The following PTPRH variants were observed in gnomAD, a reference collection of about 807,000 sequenced individuals.
PTPRH encodes protein tyrosine phosphatase receptor type H.
In PTPRH, 113 loss-of-function variants were observed where a neutral mutation model predicts 130.2. The ratio of observed to expected loss-of-function variants is 0.87; its 90% confidence interval spans 0.75 to 1.01. The LOEUF is 1.01. Among genes scored for constraint, PTPRH ranks in the 50% least tolerant of loss-of-function variants. PTPRH has a pLI of 0.00. For missense variants in PTPRH, 1,430 were observed against 1,425.0 expected, an observed-to-expected ratio of 1.00 and a Z score of -0.06; for synonymous variants, 556 against 577.9, an observed-to-expected ratio of 0.96 and a Z score of 0.54.
At chr19:55,192,574 C>CAA (rs934664407) in intron 10 of PTPRH, among the ~76,000 whole-genome samples, 5 of 151,048 alleles carry the variant, frequency 3.3e-5, no homozygotes, top group African/African-American at 1.2e-4. Context: ...TTTTCTGAGA[C>CAA]AGAGTCTTGC....
chr19:55,199,003 C>T, intron 7 of PTPRH, 91 bp from the exon 8 acceptor site: 3 of 1,250,746 alleles, frequency 2.4e-6, no homozygotes, highest in East Asian at 3.0e-5. Flanking sequence ...TGCAGCCCAG[C>T]TCATCCAGAA....
intron 16 of PTPRH, 69 bp downstream of exon 16, chr19:55,186,156 G>T (rs1462723358): frequency 8.3e-6 from 13 of 1,574,646 alleles, no homozygotes; most frequent in Non-Finnish European, 1.1e-5. Context: ...TGGGTGTGGG[G>T]TCTACATTGG....
intron 10 of PTPRH, among the ~76,000 whole-genome samples, chr19:55,195,974 G>A (rs533047534): frequency 2.0e-5 from 3 of 152,250 alleles, no homozygotes; most frequent in East Asian, 1.9e-4. Context: ...GGAGAACTAG[G>A]GGGTGGTGGC....
At position 55,188,058 on chromosome 19, in the gene PTPRH, C is replaced by G. The variant is rs761774281; in HGVS notation, c.2475+20G>C. The G allele has an allele frequency of 7.5e-6, 12 of 1,597,752 alleles. No individual in the cohort carries two copies. Among genetic ancestry groups the G allele is most frequent in the Non-Finnish European group, 1.0e-5 (12 of 1,165,240 alleles). On this transcript the variant is annotated intron_variant, in intron 13 of 19. Transcript: ENST00000376350. ...GCCACCGGAGGGAGACTGAGCTCAG[C>G]CCCTCTGTCCTCTCCCCACCTGGTA... is the stretch of plus-strand genomic sequence containing the variant.
At chr19:55,192,344 G>A (rs1471808249) in intron 10 of PTPRH, among the ~76,000 whole-genome samples, 1 of 151,816 alleles carries the variant, frequency 6.6e-6, no homozygotes, top group African/African-American at 2.4e-5. Flanking sequence ...GGAGCTTGCA[G>A]TGAGCCCAGA....
intron 18 of PTPRH, among the ~76,000 whole-genome samples, chr19:55,184,731 G>A (rs1355831158): frequency 6.6e-6 from 1 of 151,910 alleles, no homozygotes; most frequent in Non-Finnish European, 1.5e-5. Flanking sequence ...AGGTTGCAGT[G>A]AGCTGAGATT....
Position 55,203,857 on chromosome 19 carries a change from A to G in PTPRH, c.811T>C (p.Ser271Pro). 1 of 1,614,096 alleles carries G rather than the reference A, an allele frequency of 6.2e-7. No individual in the cohort carries two copies. The highest frequency in any genetic ancestry group is 8.5e-7 in the Non-Finnish European group (1 of 1,180,022). The change falls in exon 5 of 20, where the codon TCA becomes CCA. Residue 271 changes from serine to proline, a missense_variant. Coordinates refer to ENST00000376350, the MANE Select transcript of PTPRH (RefSeq NM_002842.5). The stretch of plus-strand genomic sequence containing the variant: ...ACCCACACAGAACACGTATACAATG[A>G]CCCGGGTCCAAGGCCATCCACGGTG... ...RVTVDGLGPGSLYTCSVWVEK... is the reference protein window; with the variant it reads ...RVTVDGLGPGPLYTCSVWVEK...
chr19:55,206,238 A>G (rs2087048548), intron 3 of PTPRH, among the ~76,000 whole-genome samples: 1 of 152,104 alleles, frequency 6.6e-6, no homozygotes, highest in African/African-American at 2.4e-5. Context: ...GCCTCAAAAA[A>G]AAAAAAAATT....
chr19:55,182,565 C>T (rs1192408635), intron 18 of PTPRH, among the ~76,000 whole-genome samples: 1 of 152,092 alleles, frequency 6.6e-6, no homozygotes, highest in Non-Finnish European at 1.5e-5. Flanking sequence ...GCCTGGAGTT[C>T]CTTCCATCTG....
intron 12 of PTPRH, chr19:55,189,623 G>C (rs1171668416): frequency 6.6e-6 from 3 of 453,332 alleles, no homozygotes; most frequent in Non-Finnish European, 1.3e-5. Flanking sequence ...CACTTGCGTA[G>C]GCCTGTACTC....
intron 13 of PTPRH, 115 bp from the exon 14 acceptor site, chr19:55,187,718 C>G (rs765300200): frequency 1.3e-6 from 1 of 753,204 alleles, no homozygotes; most frequent in Non-Finnish European, 2.3e-6. Context: ...TTCGTTGCAC[C>G]CTGAGATTAT....
chr19:55,182,217 T>C, intron 18 of PTPRH, 66 bp from the exon 19 acceptor site: 1 of 1,535,524 alleles, frequency 6.5e-7, no homozygotes, highest in Non-Finnish European at 8.9e-7. Flanking sequence ...TCATGGCTGA[T>C]TGGAGGGATC....
chr19:55,200,898 G>C (rs1373386323), intron 6 of PTPRH, among the ~76,000 whole-genome samples: 2 of 151,742 alleles, frequency 1.3e-5, no homozygotes, highest in African/African-American at 4.9e-5. Flanking sequence ...AGCCGAGATC[G>C]CGCCACTGCA....
intron 12 of PTPRH, chr19:55,189,718 C>T (rs879816135): frequency 8.8e-6 from 4 of 455,886 alleles, no homozygotes; most frequent in East Asian, 7.0e-5. Context: ...CAGCGGCTCA[C>T]GCCTGTGATG....
chr19:55,206,828 G>A lies in PTPRH; in HGVS notation c.213C>T (p.Gly71=), dbSNP rs778157024. The A allele has an allele frequency of 1.7e-5, 27 of 1,614,000 alleles. No individual in the cohort carries two copies. The highest frequency in any genetic ancestry group is 8.9e-5 in the East Asian group (4 of 44,892). The change falls in exon 3 of 20, where the codon GGC becomes GGT. Residue 71 remains glycine (G), a synonymous_variant. Transcript: ENST00000376350. ...TTGTGTTTCGAGTCTCTGTTGTGCCGCCGTCTCCAGTACACTGAACCCAGT... is the reference window on the plus strand; with the variant it reads ...TTGTGTTTCGAGTCTCTGTTGTGCCACCGTCTCCAGTACACTGAACCCAGT... The part of the protein sequence containing the change: ...SNYWVQCTGD[G]GTTETRNTTA...
chr19:55,182,060 C>G lies in PTPRH; in HGVS notation c.3154G>C (p.Val1052Leu), dbSNP rs766621439. Reference sequence around the variant, plus strand: ...GGCCGACTCTCTCTCATCTTCCTTACAAAGCTGAAGGGCCCAAGGAGACCC... The same window carrying G: ...GGCCGACTCTCTCTCATCTTCCTTAGAAAGCTGAAGGGCCCAAGGAGACCC... ...SEGLLGPFSF[V>L]RKMRESRPLM... Residue 1052 changes from valine (V) to leucine (L), a missense_variant, in exon 19 of 20, where the codon GTA (valine) becomes CTA (leucine). By Grantham distance (32) the Val-to-Leu change is conservative. Coordinates refer to ENST00000376350, the MANE Select transcript of PTPRH (RefSeq NM_002842.5). The G allele has an allele frequency of 1.9e-6, 3 of 1,614,140 alleles. No homozygotes were observed. The highest frequency in any genetic ancestry group is 2.5e-6 in the Non-Finnish European group (3 of 1,180,032).
At position 55,205,352 on chromosome 19, in the gene PTPRH, G is replaced by T. The variant is rs768559826; in HGVS notation, c.593C>A (p.Ser198Tyr). ...MWVGKNGINS[S>Y]RETRNATTAH... ...TGTGGTGGCATTTCGAGTCTCCCGGGAGCTGTTGATTCCATTCTTTCCCAC... is the reference window on the plus strand; with the variant it reads ...TGTGGTGGCATTTCGAGTCTCCCGGTAGCTGTTGATTCCATTCTTTCCCAC... Residue 198 changes from serine to tyrosine, a missense_variant, in exon 4 of 20, where the codon TCC (serine) becomes TAC (tyrosine). Physicochemically the swap from Ser to Tyr is moderately radical, Grantham distance 144. Coordinates refer to ENST00000376350, the MANE Select transcript of PTPRH (RefSeq NM_002842.5). 6.2e-7 allele frequency: 1 copy of T among 1,614,194 alleles called. No individual in the cohort carries two copies. Among genetic ancestry groups the T allele is most frequent in the East Asian group, 2.2e-5 (1 of 44,892 alleles).
At chr19:55,194,552 A>G (rs984476880) in intron 10 of PTPRH, among the ~76,000 whole-genome samples, 3 of 152,142 alleles carry the variant, frequency 2.0e-5, no homozygotes, top group Admixed American at 6.6e-5. Context: ...AAGAAACCCT[A>G]TTCCTAGGAA....
intron 4 of PTPRH, 65 bp from the exon 5 acceptor site, chr19:55,204,113 G>A: frequency 6.8e-7 from 1 of 1,479,118 alleles, no homozygotes; most frequent in Non-Finnish European, 9.1e-7. Flanking sequence ...GGCAGCCAGT[G>A]AGCTTTTTGT....
Sources: allele counts gnomAD v4.1 joint callset (sites outside exome capture counted in the v4.1 genomes callset), GRCh38; gene constraint gnomAD v4.1.1; transcripts MANE v1.5; gene names NCBI Gene and HGNC (gene_info 2026-07-23, HGNC 2026-07-21).